The following ZGRF1 variants were observed in gnomAD, a reference collection of about 807,000 sequenced individuals.
ZGRF1 encodes the protein 5'-3' DNA helicase ZGRF1.
A neutral mutation model predicts 203.5 loss-of-function variants in ZGRF1; 196 were observed. The ratio of observed to expected loss-of-function variants is 0.96; its 90% CI spans 0.86 to 1.08. ZGRF1 has a LOEUF of 1.08. Among genes scored for constraint, ZGRF1 ranks in the 50% least tolerant of loss-of-function variants. The probability of loss-of-function intolerance (pLI) is 0.00; values close to 1 mark genes in which losing one functional copy is unlikely to be tolerated. For missense variants in ZGRF1, 2,326 were observed against 2,416.3 expected (o/e 0.96, Z 0.78); for synonymous variants, 809 against 841.3 (o/e 0.96, Z 0.66).
At chr4:112,606,382 C>T (rs910157037) in intron 8 of ZGRF1, among the ~76,000 whole-genome samples, 2 of 152,170 alleles carry the variant, frequency 1.3e-5, no homozygotes, top group South Asian at 2.1e-4. Flanking sequence ...CCAGGTATAA[C>T]TGGGTGCAGT....
intron 10 of ZGRF1, among the ~76,000 whole-genome samples, chr4:112,591,901 T>C (rs1218323492): frequency 1.3e-5 from 2 of 152,144 alleles, no homozygotes; most frequent in Non-Finnish European, 2.9e-5. Context: ...CTGTCTCCTT[T>C]AACTAGAATG....
rs997874611 is a variant in ZGRF1, at chr4:112,618,471, G to A, written c.1571C>T (p.Thr524Ile). Residue 524 changes from threonine to isoleucine, a missense_variant, in exon 6 of 28, where the codon ACA (threonine) becomes ATA (isoleucine). Transcript: ENST00000505019. The part of the protein sequence containing the change: ...NSIHESLSNV[T>I]QPFLEVTFNL... ...AAAAGTTACCTCCAAAAATGGTTGT[G>A]TTACATTACTCAGAGATTCATGAAT... 3 of 1,613,364 alleles carry A rather than the reference G, an allele frequency of 1.9e-6. No homozygotes were observed. The African/African-American group carries it at 4.0e-5, about 22-fold the overall frequency.
chr4:112,603,238 A>G (rs1218989378), intron 10 of ZGRF1, among the ~76,000 whole-genome samples: 4 of 152,168 alleles, frequency 2.6e-5, no homozygotes, highest in African/African-American at 9.6e-5. Context: ...TTAGATGTTA[A>G]ACAGGTGAGT....
At chr4:112,589,606 C>A in intron 11 of ZGRF1, 118 bp downstream of exon 11, 1 of 885,428 alleles carries the variant, frequency 1.1e-6, no homozygotes, top group Non-Finnish European at 1.8e-6. Flanking sequence ...TATGGAAAGG[C>A]TTCAAGGGAT....
chr4:112,607,130 C>CT (rs918375229), intron 8 of ZGRF1, among the ~76,000 whole-genome samples: 28 of 148,338 alleles, frequency 1.9e-4, no homozygotes, highest in African/African-American at 4.7e-4. Context: ...AGAATTTTTT[C>CT]TTTTTTTTTT....
At chr4:112,608,151 C>T (rs894454092) in intron 8 of ZGRF1, among the ~76,000 whole-genome samples, 6 of 152,160 alleles carry the variant, frequency 3.9e-5, no homozygotes, top group Admixed American at 6.6e-5. Flanking sequence ...TCAACTCAAA[C>T]GATCCTCCTG....
At chr4:112,613,300 GA>G (rs887906972) in intron 6 of ZGRF1, among the ~76,000 whole-genome samples, 24 of 148,286 alleles carry the variant, frequency 1.6e-4, no homozygotes, top group Non-Finnish European at 3.3e-4. Flanking sequence ...TCAAACAAAA[GA>G]AAAAAAAACA....
intron 16 of ZGRF1, among the ~76,000 whole-genome samples, chr4:112,565,744 A>G (rs1742938646): frequency 6.6e-6 from 1 of 152,202 alleles, no homozygotes; most frequent in African/African-American, 2.4e-5. Context: ...ACACATGAAA[A>G]AATGCTCACC....
At chr4:112,612,434 C>G (rs530631491) in intron 7 of ZGRF1, 90 bp downstream of exon 7, 1 of 819,482 alleles carries the variant, frequency 1.2e-6, no homozygotes, top group African/African-American at 1.8e-5. Flanking sequence ...ACCAAGATAG[C>G]TTGGGACTGT....
chr4:112,589,460 A>T (rs1214172281), intron 11 of ZGRF1, among the ~76,000 whole-genome samples: 1 of 152,186 alleles, frequency 6.6e-6, no homozygotes, highest in African/African-American at 2.4e-5. Flanking sequence ...AGAAGAACTG[A>T]CAATGGTAGA....
intron 16 of ZGRF1, among the ~76,000 whole-genome samples, chr4:112,580,530 T>C (rs1315553028): frequency 6.6e-6 from 1 of 151,948 alleles, no homozygotes; most frequent in East Asian, 1.9e-4. Context: ...TCTACTCATC[T>C]GACAAAGGGC....
chr4:112,631,626 C>T (rs1041512757), intron 3 of ZGRF1, among the ~76,000 whole-genome samples: 5 of 152,000 alleles, frequency 3.3e-5, no homozygotes, highest in East Asian at 1.9e-4. Flanking sequence ...GAGCCGAGAT[C>T]GTGCCACTGC....
rs1184494870 is a variant in ZGRF1, at chr4:112,562,581, T to C, written c.4583-96A>G. ...CCCACATAACTCAGAGTTCAGCTAC[T>C]GAATTAAGCACATGACATAAAACAA... On this transcript the variant is annotated intron_variant, in intron 17 of 27. Coordinates refer to ENST00000505019, the MANE Select transcript of ZGRF1 (RefSeq NM_018392.5). 28 of 725,450 alleles carry C rather than the reference T, an allele frequency of 3.9e-5. No individual in the cohort carries two copies. In the Admixed American group the frequency reaches 6.4e-4, roughly 17 times the overall value. 44.9% of individuals were successfully genotyped at this position (725,450 alleles called of 1,614,324 possible). A position where few individuals can be genotyped will look rare whatever the true frequency, so the allele number is the denominator to read the frequency against.
intron 10 of ZGRF1, among the ~76,000 whole-genome samples, chr4:112,596,807 G>A (rs1010285152): frequency 6.6e-6 from 1 of 152,034 alleles, no homozygotes; most frequent in African/African-American, 2.4e-5. Flanking sequence ...TGCCCAGGAT[G>A]GTCTCGAACT....
chr4:112,575,677 T>C (rs1745060266), intron 16 of ZGRF1, among the ~76,000 whole-genome samples: 1 of 152,174 alleles, frequency 6.6e-6, no homozygotes, highest in Admixed American at 6.5e-5. Context: ...GCCTCGCTCA[T>C]TGCTAACAGA....
rs754914479 is a variant in ZGRF1 at position 112,617,408 on chromosome 4, A to T, written c.2602+32T>A. 48 of 1,467,920 alleles carry T rather than the reference A, an allele frequency of 3.3e-5. 2 individuals carry two copies. In the Middle Eastern group the frequency reaches 9.0e-4, roughly 27 times the overall value. 90.9% of individuals were successfully genotyped at this position (1,467,920 alleles called of 1,614,324 possible). A position where few individuals can be genotyped will look rare whatever the true frequency, so the allele number is the denominator to read the frequency against. On this transcript the variant is annotated intron_variant, in intron 6 of 27. Transcript: ENST00000505019. The stretch of plus-strand genomic sequence containing the variant: ...CTTTATAGCTCAAAGACCTATAAAG[A>T]AAACATTCCAAAATAGACATGCAAT...
chr4:112,622,680 T>A (rs2047101872), intron 4 of ZGRF1, among the ~76,000 whole-genome samples: 2 of 152,086 alleles, frequency 1.3e-5, no homozygotes, highest in South Asian at 4.1e-4. Context: ...GGCCAGGAAG[T>A]ATTTAGAACT....
intron 10 of ZGRF1, among the ~76,000 whole-genome samples, chr4:112,594,657 T>G (rs1279073684): frequency 2.6e-5 from 4 of 151,670 alleles, no homozygotes; most frequent in Non-Finnish European, 5.9e-5. Context: ...TTTACCATGT[T>G]GGCCTGGCTG....
chr4:112,566,649 G>A (rs184614325), intron 16 of ZGRF1, among the ~76,000 whole-genome samples: 5 of 152,202 alleles, frequency 3.3e-5, no homozygotes, highest in Admixed American at 6.5e-5. Flanking sequence ...CTAAGATGCT[G>A]AATTAGTATG....
Sources: gnomAD v4.1 joint callset for allele counts (sites outside exome capture counted in the v4.1 genomes callset) on GRCh38, gnomAD v4.1.1 for gene constraint, MANE v1.5 for transcripts, NCBI Gene and HGNC (gene_info 2026-07-23, HGNC 2026-07-21) for gene names.